The following ESR1 variants were observed in gnomAD, a reference collection of about 807,000 sequenced individuals.
The protein encoded by ESR1 is estrogen receptor 1, also known as estrogen receptor.
A neutral mutation model predicts 52.7 loss-of-function variants in ESR1; 12 were observed. That is an observed-to-expected ratio of 0.23 (90% CI 0.15 to 0.37). The LOEUF (loss-of-function observed/expected upper bound fraction) is 0.37. Among genes scored for constraint, ESR1 ranks in the 10% least tolerant of loss-of-function variants. ESR1 has a pLI of 1.00. For synonymous variants in ESR1, 305 were observed against 316.8 expected (o/e 0.96, Z 0.39); for missense variants, 584 against 779.7 (o/e 0.75, Z 2.99).
chr6:151,772,111 C>G (rs1221869407), intron 2 of ESR1, among the ~76,000 whole-genome samples: 3 of 152,150 alleles, frequency 2.0e-5, no homozygotes, highest in Admixed American at 1.3e-4. Flanking sequence ...GTAAAGCAAG[C>G]AATGTGGGTT....
intron 2 of ESR1, among the ~76,000 whole-genome samples, chr6:151,757,229 C>G (rs1294829534): frequency 2.6e-5 from 2 of 78,304 alleles, no homozygotes; most frequent in Non-Finnish European, 4.5e-5. Flanking sequence ...GCTATTTTAA[C>G]GTTCCATTAA....
chr6:151,764,524 G>T (rs903958629), intron 2 of ESR1, among the ~76,000 whole-genome samples: 2 of 152,096 alleles, frequency 1.3e-5, no homozygotes, highest in African/African-American at 2.4e-5. Flanking sequence ...GTCAGTCCTC[G>T]CAATGAAGAT....
Position 152,007,987 on chromosome 6 carries a change from G to T in ESR1, c.1097-3669G>T, listed in dbSNP as rs549504601. Among the ~76,000 whole-genome samples the T allele has an allele frequency of 6.6e-5, 10 of 152,142 alleles. No homozygotes were observed. The East Asian group carries it at 1.6e-3, about 24-fold the overall frequency. On this transcript the variant is annotated intron_variant, in intron 4 of 7. Transcript: ENST00000206249. ...CTGTTTATCAGGAAAATAAACCAAG[G>T]TCTTGAAACTTGATGTCTATCCATA...
intron 5 of ESR1, among the ~76,000 whole-genome samples, chr6:152,015,704 C>T (rs2043116129): frequency 6.6e-6 from 1 of 152,170 alleles, no homozygotes; most frequent in South Asian, 2.1e-4. Context: ...TCATCAATTC[C>T]CCACTTATTC....
At chr6:152,041,237 A>G (rs2045769819) in intron 5 of ESR1, among the ~76,000 whole-genome samples, 1 of 152,184 alleles carries the variant, frequency 6.6e-6, no homozygotes, top group Non-Finnish European at 1.5e-5. Context: ...TTGACACTTC[A>G]AGCACCATTG....
At chr6:152,105,861 C>T (rs1483768686), downstream of ESR1, among the ~76,000 whole-genome samples, 5 of 137,932 alleles carry the variant, frequency 3.6e-5, no homozygotes, top group African/African-American at 8.2e-5. Flanking sequence ...AATCTCGGCT[C>T]GCTGCAAGCT....
intron 1 of ESR1, among the ~76,000 whole-genome samples, chr6:151,692,178 C>T (rs936218070): frequency 4.6e-5 from 7 of 152,338 alleles, no homozygotes; most frequent in East Asian, 1.9e-4. Flanking sequence ...AACTATCTTT[C>T]GTTTCTGATA....
At chr6:151,868,283 A>G (rs1348196648) in intron 2 of ESR1, among the ~76,000 whole-genome samples, 1 of 152,070 alleles carries the variant, frequency 6.6e-6, no homozygotes, top group African/African-American at 2.4e-5. Flanking sequence ...GTACACCACC[A>G]TGCCCGGCTA....
At chr6:151,810,221 C>T (rs1053414994) in intron 1 of ESR1, among the ~76,000 whole-genome samples, 5 of 151,860 alleles carry the variant, frequency 3.3e-5, no homozygotes, top group African/African-American at 1.2e-4. Flanking sequence ...CTTACACTTT[C>T]TGCATTACAT....
intron 2 of ESR1, among the ~76,000 whole-genome samples, chr6:151,796,280 C>G (rs1776705533): frequency 6.6e-6 from 1 of 151,582 alleles, no homozygotes; most frequent in Non-Finnish European, 1.5e-5. Context: ...ACACATGGCA[C>G]AAATAAGGTG....
intron 6 of ESR1, chr6:152,121,627 T>C (rs549657809): frequency 1.3e-5 from 2 of 152,562 alleles, no homozygotes; most frequent in African/African-American, 2.4e-5. Flanking sequence ...TTCTGATCAG[T>C]GCCTGCTTAA....
intron 6 of ESR1, among the ~76,000 whole-genome samples, chr6:152,073,607 A>T (rs369396500): frequency 1.3e-5 from 2 of 152,306 alleles, no homozygotes; most frequent in East Asian, 3.9e-4. Context: ...TTCCAGGAAA[A>T]TTATTAGTTT....
At chr6:151,801,416 C>T (rs1053252992), upstream of ESR1, among the ~76,000 whole-genome samples, 1 of 152,140 alleles carries the variant, frequency 6.6e-6, no homozygotes, top group Non-Finnish European at 1.5e-5. Context: ...ATTAAGCTTG[C>T]AAGTTAAATC....
At chr6:151,902,870 T>C (rs1371479054) in intron 3 of ESR1, among the ~76,000 whole-genome samples, 1 of 152,348 alleles carries the variant, frequency 6.6e-6, no homozygotes, top group South Asian at 2.1e-4. Context: ...ACTGTCATCA[T>C]TATAAGGAAA....
Position 151,808,375 on chromosome 6 carries a change from C to T in ESR1, c.452+11C>T. 1 of 1,459,700 alleles carries T rather than the reference C, an allele frequency of 6.9e-7. No homozygotes were observed. The highest frequency in any genetic ancestry group is 9.0e-7 in the Non-Finnish European group (1 of 1,112,340). The allele number at this position is 1,459,700 out of a possible 1,614,324, so 90.4% of individuals were successfully genotyped here. On this transcript the variant is annotated intron_variant, in intron 1 of 7. Transcript: ENST00000206249. ...GCCGGCATTCTACAGGTACCCGCGC[C>T]CGCGCCGCCCGTCGGGGTGGCCGCC...
intron 2 of ESR1, among the ~76,000 whole-genome samples, chr6:151,743,675 G>A (rs888122818): frequency 5.1e-4 from 78 of 152,208 alleles, no homozygotes; most frequent in Admixed American, 1.8e-3. Context: ...CTCAATGGTG[G>A]CATCTCTCAT....
intron 3 of ESR1, among the ~76,000 whole-genome samples, chr6:151,898,751 G>T (rs1233778248): frequency 2.6e-5 from 4 of 152,142 alleles, no homozygotes; most frequent in African/African-American, 9.7e-5. Context: ...CAAGGCAGAA[G>T]AATTTTTCTT....
intron 2 of ESR1, among the ~76,000 whole-genome samples, chr6:151,868,558 T>C (rs1790382254): frequency 7.1e-6 from 1 of 139,920 alleles, no homozygotes; most frequent in South Asian, 2.2e-4. Context: ...TGAGAACACA[T>C]GGTATTTGGT....
At chr6:152,009,893 A>G (rs1014502209) in intron 4 of ESR1, among the ~76,000 whole-genome samples, 1 of 152,162 alleles carries the variant, frequency 6.6e-6, no homozygotes, top group Non-Finnish European at 1.5e-5. Context: ...ATGGAATACC[A>G]CTTAGGAATA....
Sources: allele counts gnomAD v4.1 joint callset (sites outside exome capture counted in the v4.1 genomes callset), GRCh38; gene constraint gnomAD v4.1.1; transcripts MANE v1.5; gene names NCBI Gene and HGNC (gene_info 2026-07-23, HGNC 2026-07-21).